The following SUCLG2 variants were observed in gnomAD, a reference collection of about 807,000 sequenced individuals.
SUCLG2 encodes succinate-CoA ligase GDP-forming subunit beta.
In SUCLG2, 42 loss-of-function variants were observed where a neutral mutation model predicts 47.9. That is an observed-to-expected ratio of 0.88 (90% CI 0.69 to 1.14). SUCLG2 has a LOEUF of 1.14. SUCLG2 is among the 50% of genes most tolerant of loss of function. SUCLG2 has a pLI of 0.00. For missense variants in SUCLG2, 571 were observed against 525.9 expected, an observed-to-expected ratio of 1.09 and a Z score of -0.84; for synonymous variants, 195 against 197.3, an observed-to-expected ratio of 0.99 and a Z score of 0.10.
At chr3:67,530,419 C>A (rs1198677798) in intron 2 of SUCLG2, among the ~76,000 whole-genome samples, 1 of 152,172 alleles carries the variant, frequency 6.6e-6, no homozygotes, top group Non-Finnish European at 1.5e-5. Flanking sequence ...GGAATCATTA[C>A]AGAGATGGCT....
chr3:67,372,467 T>C (rs192969558), downstream of SUCLG2, among the ~76,000 whole-genome samples: 49 of 152,248 alleles, frequency 3.2e-4, 3 homozygotes, highest in East Asian at 5.8e-3. Context: ...AAGGATCACT[T>C]TGAGGATGAG....
chr3:67,385,014 A>G (rs1454947830), intron 10 of SUCLG2, among the ~76,000 whole-genome samples: 1 of 152,210 alleles, frequency 6.6e-6, no homozygotes, highest in Admixed American at 6.5e-5. Context: ...TAGCGTCTAT[A>G]AGACACTACA....
At chr3:67,641,786 G>A (rs1014034935) in intron 1 of SUCLG2, among the ~76,000 whole-genome samples, 1 of 152,126 alleles carries the variant, frequency 6.6e-6, no homozygotes, top group African/African-American at 2.4e-5. Flanking sequence ...TTGCAGTTTA[G>A]GAGGCTTAAA....
At chr3:67,408,601 T>C (rs1227715325) in intron 9 of SUCLG2, 1 of 995,156 alleles carries the variant, frequency 1.0e-6, no homozygotes, top group Non-Finnish European at 1.2e-6. Context: ...CAGGGGAACC[T>C]AGGGAAATGG....
intron 7 of SUCLG2, among the ~76,000 whole-genome samples, chr3:67,499,802 G>A (rs1391802631): frequency 6.6e-6 from 1 of 151,994 alleles, no homozygotes; most frequent in Non-Finnish European, 1.5e-5. Flanking sequence ...CGCAATCTCG[G>A]CTCACTATAA....
intron 9 of SUCLG2, among the ~76,000 whole-genome samples, chr3:67,419,319 A>G (rs986369611): frequency 4.6e-5 from 7 of 152,166 alleles, no homozygotes; most frequent in African/African-American, 1.7e-4. Flanking sequence ...CCTGATATAG[A>G]TTTTCTACTC....
chr3:67,597,661 C>T lies in SUCLG2; in HGVS notation c.226+11794G>A, dbSNP rs888073576. On this transcript the variant is annotated intron_variant, in intron 2 of 10. Transcript: ENST00000307227. ...AATATTTAAAGCTCTCATCTTTGGC[C>T]GGGTGCAGTGGCTCACGTCTGTGGT... Among the ~76,000 whole-genome samples, 15 of 152,222 alleles carry T rather than the reference C, an allele frequency of 9.9e-5. 1 individual carries two copies. The highest frequency in any genetic ancestry group is 4.2e-4 in the South Asian group (2 of 4,812).
intron 2 of SUCLG2, among the ~76,000 whole-genome samples, chr3:67,558,505 T>TCA (rs2107210314): frequency 6.6e-6 from 1 of 152,292 alleles, no homozygotes; most frequent in South Asian, 2.1e-4. Flanking sequence ...GTACATTTGA[T>TCA]TCCTCACTGT....
intron 9 of SUCLG2, among the ~76,000 whole-genome samples, chr3:67,481,144 T>C (rs1313824183): frequency 1.3e-5 from 2 of 152,260 alleles, no homozygotes; most frequent in East Asian, 3.8e-4. Context: ...TTATAAAATG[T>C]AATAATGCAA....
intron 10 of SUCLG2, among the ~76,000 whole-genome samples, chr3:67,361,193 C>T (rs1701799480): frequency 6.6e-6 from 1 of 151,552 alleles, no homozygotes; most frequent in South Asian, 2.1e-4. Context: ...ACTCAAGAGT[C>T]TTTTGGTGCC....
rs144917158 is a variant in SUCLG2 at position 67,534,854 on chromosome 3, G to A, written c.227-5668C>T. On this transcript the variant is annotated intron_variant, in intron 2 of 10. Transcript: ENST00000307227. ...AACTAATTAAAGAATTTCTAACATT[G>A]TAAGAATGAAACCACAGGACATTAA... is the stretch of plus-strand genomic sequence containing the variant. Among the ~76,000 whole-genome samples, 648 of 131,722 alleles carry A rather than the reference G, an allele frequency of 4.9e-3. 8 individuals are homozygous for A. The East Asian group carries it at 0.064, about 13-fold the overall frequency. 86.4% of individuals were successfully genotyped at this position (131,722 alleles called of 152,430 possible).
At chr3:67,531,184 T>G (rs560111740) in intron 2 of SUCLG2, among the ~76,000 whole-genome samples, 10 of 152,182 alleles carry the variant, frequency 6.6e-5, no homozygotes, top group Non-Finnish European at 1.3e-4. Flanking sequence ...TTTCAGCAAT[T>G]AAGAAAAAAT....
chr3:67,540,041 C>A (rs887182699), intron 2 of SUCLG2, among the ~76,000 whole-genome samples: 1 of 150,904 alleles, frequency 6.6e-6, no homozygotes, highest in Non-Finnish European at 1.5e-5. Context: ...AAGGGCTTTT[C>A]GTGTCTCCAT....
At chr3:67,467,716 G>T (rs1304803584) in intron 9 of SUCLG2, among the ~76,000 whole-genome samples, 1 of 152,064 alleles carries the variant, frequency 6.6e-6, no homozygotes, top group Non-Finnish European at 1.5e-5. Flanking sequence ...TATGGTAGGA[G>T]ACGTATATGT....
chr3:67,482,729 T>A (rs1704949335), intron 9 of SUCLG2, among the ~76,000 whole-genome samples: 1 of 152,166 alleles, frequency 6.6e-6, no homozygotes, highest in South Asian at 2.1e-4. Flanking sequence ...TCTTGGATCA[T>A]AATGACACAC....
At chr3:67,633,782 G>A (rs1700964935) in intron 1 of SUCLG2, among the ~76,000 whole-genome samples, 1 of 152,192 alleles carries the variant, frequency 6.6e-6, no homozygotes, top group African/African-American at 2.4e-5. Flanking sequence ...CCATGTCAAT[G>A]TGGGTCTCGC....
At chr3:67,387,315 A>T (rs1275530337) in intron 10 of SUCLG2, among the ~76,000 whole-genome samples, 2 of 152,192 alleles carry the variant, frequency 1.3e-5, no homozygotes, top group African/African-American at 2.4e-5. Context: ...TAAAATGTTG[A>T]TGTCAGACTG....
intron 10 of SUCLG2, among the ~76,000 whole-genome samples, chr3:67,389,364 G>A (rs1292999240): frequency 6.6e-6 from 1 of 152,144 alleles, no homozygotes; most frequent in Non-Finnish European, 1.5e-5. Flanking sequence ...AATACAGGGG[G>A]CCATCCAAGG....
intron 9 of SUCLG2, among the ~76,000 whole-genome samples, chr3:67,440,443 G>C (rs541004814): frequency 1.1e-4 from 17 of 152,180 alleles, no homozygotes; most frequent in Non-Finnish European, 2.2e-4. Context: ...GAGTGAACAG[G>C]CAACCTACAG....
Sources: allele counts gnomAD v4.1 joint callset (sites outside exome capture counted in the v4.1 genomes callset), GRCh38; gene constraint gnomAD v4.1.1; transcripts MANE v1.5; gene names NCBI Gene and HGNC (gene_info 2026-07-23, HGNC 2026-07-21).